DNAI4: variants seen among roughly 807,000 people sequenced by gnomAD.
The protein encoded by DNAI4 is WD repeat domain 78.
DNAI4 carries 85 observed loss-of-function variants against 105.8 expected under a neutral mutation model. The ratio of observed to expected loss-of-function variants is 0.80; its 90% CI spans 0.67 to 0.96. DNAI4 has a LOEUF of 0.96. Among genes scored for constraint, DNAI4 ranks in the 40% least tolerant of loss-of-function variants. The pLI is 0.00. For synonymous variants in DNAI4, 352 were observed against 331.5 expected (o/e 1.06, Z -0.67); for missense variants, 1,014 against 1,005.6 (o/e 1.01, Z -0.11).
At chr1:66,833,501 T>A (rs2100414328) in intron 13 of DNAI4, 84 bp downstream of exon 13, 2 of 1,460,812 alleles carry the variant, frequency 1.4e-6, no homozygotes, top group Non-Finnish European at 1.9e-6. Context: ...AACAGGCTAA[T>A]ATTTGGTCTT....
chr1:66,826,884 A>G lies in DNAI4; in HGVS notation c.2275T>C (p.Ser759Pro). 2 of 1,614,154 alleles carry G rather than the reference A, an allele frequency of 1.2e-6. No individual in the cohort carries two copies. Among genetic ancestry groups the G allele is most frequent in the African/African-American group, 2.7e-5 (2 of 75,052 alleles). The change falls in exon 15 of 17, where the codon TCA becomes CCA. Residue 759 changes from serine to proline, a missense_variant. By Grantham distance (74) the Ser-to-Pro change is moderately conservative. Coordinates refer to ENST00000371026, the MANE Select transcript of DNAI4 (RefSeq NM_024763.5). ...VVYDVAWSPKSSYIFAAANEN... is the reference protein window; with the variant it reads ...VVYDVAWSPKPSYIFAAANEN... ...TTTGCAGCTGCAAATATATAGGATG[A>G]TTTTGGAGACCAGGCAACGTCGTAA...
At chr1:66,911,274 G>A (rs899955029) in intron 1 of DNAI4, among the ~76,000 whole-genome samples, 2 of 152,198 alleles carry the variant, frequency 1.3e-5, no homozygotes, top group Non-Finnish European at 2.9e-5. Flanking sequence ...TACGGCAAGG[G>A]AAGAGCCAGT....
intron 2 of DNAI4, among the ~76,000 whole-genome samples, chr1:66,902,405 T>C (rs1394653430): frequency 2.0e-5 from 3 of 152,184 alleles, no homozygotes; most frequent in Non-Finnish European, 4.4e-5. Flanking sequence ...ATTCTTTTAA[T>C]TGGGCTGTTT....
chr1:66,822,338 A>AT (rs1208638627), intron 16 of DNAI4, 23 bp downstream of exon 16: 2 of 1,574,864 alleles, frequency 1.3e-6, no homozygotes, highest in African/African-American at 2.7e-5. Flanking sequence ...AATGACACAA[A>AT]TTTTTTTACT....
In DNAI4 at chr1:66,822,568, T is replaced by G. The variant is rs560583194; in HGVS notation, c.2340-51A>C. The G allele has an allele frequency of 5.8e-5, 80 of 1,375,572 alleles. 1 individual carries two copies. The East Asian group carries it at 1.7e-3, about 29-fold the overall frequency. 85.2% of individuals were successfully genotyped at this position (1,375,572 alleles called of 1,614,324 possible). On this transcript the variant is annotated intron_variant, in intron 15 of 16. Coordinates refer to ENST00000371026, the MANE Select transcript of DNAI4 (RefSeq NM_024763.5). The stretch of plus-strand genomic sequence containing the variant: ...ATTCAATTGTTATATTAATATGGTC[T>G]TTTAAATAGACAAAGAAAAATTTGA...
intron 7 of DNAI4, among the ~76,000 whole-genome samples, chr1:66,854,810 A>C (rs1373464222): frequency 6.6e-6 from 1 of 152,216 alleles, no homozygotes; most frequent in African/African-American, 2.4e-5. Context: ...TCTCAAAATA[A>C]ATATGTAAAT....
intron 9 of DNAI4, among the ~76,000 whole-genome samples, chr1:66,839,081 T>C (rs936029318): frequency 2.0e-5 from 3 of 152,350 alleles, no homozygotes; most frequent in African/African-American, 7.2e-5. Flanking sequence ...ATTTTTAAAA[T>C]GCTAGTATAT....
At chr1:66,848,577 T>C (rs1274722991) in intron 7 of DNAI4, among the ~76,000 whole-genome samples, 2 of 152,200 alleles carry the variant, frequency 1.3e-5, no homozygotes, top group African/African-American at 4.8e-5. Flanking sequence ...TCTTTATAGA[T>C]AGAGGGAGCA....
chr1:66,853,070 A>G (rs1337208057), intron 7 of DNAI4, among the ~76,000 whole-genome samples: 1 of 152,244 alleles, frequency 6.6e-6, no homozygotes, highest in African/African-American at 2.4e-5. Context: ...TGTGTTGGTT[A>G]GGTGAGACAC....
intron 3 of DNAI4, 110 bp downstream of exon 3, chr1:66,893,119 A>AAGAAAGAAAGAAAG (rs1414013210): frequency 3.0e-5 from 16 of 526,734 alleles, no homozygotes; most frequent in African/African-American, 2.4e-4. Context: ...GAAAGAAAGA[A>AAGAAAGAAAGAAAG]AGAAACTGGG....
intron 2 of DNAI4, among the ~76,000 whole-genome samples, chr1:66,896,764 G>A (rs989148962): frequency 2.0e-5 from 3 of 152,138 alleles, no homozygotes; most frequent in Non-Finnish European, 2.9e-5. Context: ...CTAACCAGAT[G>A]TGGTTCCTTG....
At chr1:66,836,146 A>G (rs1645984129) in intron 10 of DNAI4, among the ~76,000 whole-genome samples, 1 of 28,886 alleles carries the variant, frequency 3.5e-5, no homozygotes, top group Admixed American at 3.9e-4. Flanking sequence ...AAAGAAAAGA[A>G]AGAAAGAAAG....
chr1:66,874,753 AC>A, intron 5 of DNAI4, 27 bp downstream of exon 5: 1 of 1,580,954 alleles, frequency 6.3e-7, no homozygotes, highest in Non-Finnish European at 8.6e-7. Flanking sequence ...AATTACAGAA[AC>A]AATGTAGACA....
intron 1 of DNAI4, among the ~76,000 whole-genome samples, chr1:66,914,511 T>C (rs1649919474): frequency 6.6e-6 from 1 of 152,262 alleles, no homozygotes; most frequent in South Asian, 2.1e-4. Context: ...TACAATTTTA[T>C]GTTTAATGGC....
intron 2 of DNAI4, chr1:66,905,000 A>T: frequency 2.3e-6 from 1 of 428,812 alleles, no homozygotes. Context: ...CCACTCTAAT[A>T]TTCTTCTTAT....
At chr1:66,895,195 T>A (rs1481689999) in intron 2 of DNAI4, among the ~76,000 whole-genome samples, 1 of 152,246 alleles carries the variant, frequency 6.6e-6, no homozygotes, top group Non-Finnish European at 1.5e-5. Flanking sequence ...GTCTAATTTT[T>A]GGATGGGCAC....
intron 6 of DNAI4, among the ~76,000 whole-genome samples, chr1:66,866,172 CG>C (rs1305421715): frequency 6.6e-6 from 1 of 151,590 alleles, no homozygotes; most frequent in Admixed American, 6.6e-5. Context: ...CCAGGTGTGA[CG>C]GCAGGCACTT....
At chr1:66,867,990 C>T (rs1430725963) in intron 6 of DNAI4, among the ~76,000 whole-genome samples, 2 of 152,150 alleles carry the variant, frequency 1.3e-5, no homozygotes, top group Non-Finnish European at 1.5e-5. Flanking sequence ...CATTCCTGTA[C>T]AGATAATTTC....
intron 8 of DNAI4, among the ~76,000 whole-genome samples, chr1:66,841,279 G>A (rs1011933517): frequency 6.6e-6 from 1 of 152,224 alleles, no homozygotes. Flanking sequence ...TACCCCTGAA[G>A]TAAGACAGTG....
Sources: allele counts gnomAD v4.1 joint callset (sites outside exome capture counted in the v4.1 genomes callset), GRCh38; gene constraint gnomAD v4.1.1; transcripts MANE v1.5; gene names NCBI Gene and HGNC (gene_info 2026-07-23, HGNC 2026-07-21).